Variants in DNTT observed in about 807,000 individuals in gnomAD.
The protein encoded by DNTT is nucleosidetriphosphate:DNA deoxynucleotidylexotransferase.
Under a neutral mutation model 60.9 loss-of-function variants are expected in DNTT, and 47 were observed. That is an observed-to-expected ratio of 0.77 (90% CI 0.61 to 0.98). The LOEUF is 0.98. DNTT is among the 50% of genes least tolerant of loss of function. The probability of loss-of-function intolerance (pLI) is 0.00; values close to 1 mark genes in which losing one functional copy is unlikely to be tolerated. For synonymous variants in DNTT, 224 were observed against 221.2 expected (o/e 1.01, Z -0.11); for missense variants, 665 against 627.5 (o/e 1.06, Z -0.64).
At chr10:96,329,475 G>A (rs2133993592) in intron 8 of DNTT, among the ~76,000 whole-genome samples, 2 of 152,344 alleles carry the variant, frequency 1.3e-5, no homozygotes, top group Middle Eastern at 6.8e-3. Flanking sequence ...TTCCTAGAGA[G>A]ACCAGAGGGT....
At chr10:96,305,600 G>A (rs1240279343) in intron 1 of DNTT, among the ~76,000 whole-genome samples, 1 of 152,150 alleles carries the variant, frequency 6.6e-6, no homozygotes, top group Admixed American at 6.5e-5. Context: ...GACTGTGCAA[G>A]AAATAAATTG....
intron 4 of DNTT, among the ~76,000 whole-genome samples, chr10:96,322,047 A>G (rs982978873): frequency 6.6e-6 from 1 of 152,120 alleles, no homozygotes; most frequent in African/African-American, 2.4e-5. Context: ...TGCGTTTGAC[A>G]TGAAGTGGAG....
Position 96,332,321 on chromosome 10 carries a change from T to C in DNTT, c.1114-30T>C, listed in dbSNP as rs137891273. 118 of 1,604,544 alleles carry C rather than the reference T, an allele frequency of 7.4e-5. No homozygotes were observed. The African/African-American group carries it at 1.2e-3, about 17-fold the overall frequency. ...ATCATAGATCTTCTTCATCAGGGCC[T>C]TTTCCTGATGCCATTCTGTTTCTTT... On this transcript the variant is annotated intron_variant, in intron 8 of 10. Coordinates refer to ENST00000371174, the MANE Select transcript of DNTT (RefSeq NM_004088.4).
At chr10:96,331,697 G>T (rs1160649076) in intron 8 of DNTT, among the ~76,000 whole-genome samples, 1 of 152,208 alleles carries the variant, frequency 6.6e-6, no homozygotes, top group East Asian at 1.9e-4. Flanking sequence ...TTCTACGTGA[G>T]ATTTAGGGGG....
intron 1 of DNTT, among the ~76,000 whole-genome samples, chr10:96,310,786 A>G (rs1294039897): frequency 6.6e-6 from 1 of 152,234 alleles, no homozygotes; most frequent in African/African-American, 2.4e-5. Flanking sequence ...TATCTGGTGA[A>G]TATAAAACCA....
intron 6 of DNTT, 72 bp downstream of exon 6, chr10:96,324,461 C>T: frequency 3.1e-6 from 5 of 1,588,278 alleles, no homozygotes; most frequent in Non-Finnish European, 4.3e-6. Flanking sequence ...AAGTCAGTTA[C>T]ACTGCAACTC....
intron 10 of DNTT, among the ~76,000 whole-genome samples, chr10:96,337,917 T>C (rs1312008858): frequency 6.6e-6 from 1 of 152,218 alleles, no homozygotes; most frequent in East Asian, 1.9e-4. Context: ...CAAATGGCTT[T>C]TGCTGAATAT....
At chr10:96,329,041 T>TA (rs397804472) in intron 8 of DNTT, among the ~76,000 whole-genome samples, 1 of 151,684 alleles carries the variant, frequency 6.6e-6, no homozygotes, top group Admixed American at 6.6e-5. Flanking sequence ...TCTTGTTTAT[T>TA]ATACTTACCC....
intron 2 of DNTT, among the ~76,000 whole-genome samples, chr10:96,319,049 T>C (rs930346821): frequency 3.9e-5 from 6 of 152,228 alleles, no homozygotes; most frequent in African/African-American, 1.2e-4. Context: ...AGATGATATT[T>C]AATTGATAGG....
intron 4 of DNTT, among the ~76,000 whole-genome samples, chr10:96,322,127 C>T (rs1844887856): frequency 6.6e-6 from 1 of 152,008 alleles, no homozygotes; most frequent in African/African-American, 2.4e-5. Flanking sequence ...TTAGGGATTC[C>T]CCAGCAAAGC....
chr10:96,318,585 T>C, intron 2 of DNTT, 59 bp downstream of exon 2: 1 of 1,569,302 alleles, frequency 6.4e-7, no homozygotes, highest in Admixed American at 1.8e-5. Context: ...AACATAGGCT[T>C]AGGATCAACG....
chr10:96,318,323 A>C, intron 1 of DNTT, 29 bp from the exon 2 acceptor site: 1 of 1,586,644 alleles, frequency 6.3e-7, no homozygotes. Flanking sequence ...AAGATGTTTC[A>C]GCTGGTAACT....
At chr10:96,325,140 CTG>C (rs2133991264) in intron 6 of DNTT, among the ~76,000 whole-genome samples, 1 of 152,184 alleles carries the variant, frequency 6.6e-6, no homozygotes, top group East Asian at 1.9e-4. Context: ...GTGAAAAAAA[CTG>C]TGTGTTTAAA....
At chr10:96,323,598 G>A (rs1055070368) in intron 5 of DNTT, among the ~76,000 whole-genome samples, 1 of 152,060 alleles carries the variant, frequency 6.6e-6, no homozygotes, top group African/African-American at 2.4e-5. Context: ...GGGACAGGAC[G>A]GAACTGCTCT....
chr10:96,309,109 G>A (rs1844678782), intron 1 of DNTT, among the ~76,000 whole-genome samples: 1 of 152,158 alleles, frequency 6.6e-6, no homozygotes, highest in South Asian at 2.1e-4. Flanking sequence ...CTCCACCTTT[G>A]CATCTACCTA....
intron 1 of DNTT, among the ~76,000 whole-genome samples, chr10:96,310,484 C>G (rs540589740): frequency 5.5e-4 from 84 of 152,186 alleles, no homozygotes; most frequent in Non-Finnish European, 9.8e-4. Flanking sequence ...GTTTTCTTTA[C>G]AGTTTTTCTT....
chr10:96,324,203 C>A, intron 5 of DNTT, 63 bp from the exon 6 acceptor site: 1 of 1,555,444 alleles, frequency 6.4e-7, no homozygotes. Context: ...TAGAAAGGGT[C>A]ATGACTCGGA....
At chr10:96,326,951 C>G (rs1305585171) in intron 6 of DNTT, among the ~76,000 whole-genome samples, 1 of 152,210 alleles carries the variant, frequency 6.6e-6, no homozygotes, top group Non-Finnish European at 1.5e-5. Flanking sequence ...CATAACAACT[C>G]TGAACTTTCA....
intron 6 of DNTT, among the ~76,000 whole-genome samples, chr10:96,324,692 C>T (rs11188715): frequency 0.096 from 14,607 of 152,224 alleles, 1,739 homozygotes; most frequent in African/African-American, 0.28. Flanking sequence ...AGAGCAAAGG[C>T]GCCCTCCACT....
Sources: gnomAD v4.1 joint callset for allele counts (sites outside exome capture counted in the v4.1 genomes callset) on GRCh38, gnomAD v4.1.1 for gene constraint, MANE v1.5 for transcripts, NCBI Gene and HGNC (gene_info 2026-07-23, HGNC 2026-07-21) for gene names.